Variants in SEC61A1 observed in about 807,000 individuals in gnomAD.
SEC61A1 encodes the protein protein transport protein Sec61 subunit alpha isoform 1.
Under a neutral mutation model 55.2 loss-of-function variants are expected in SEC61A1, and 15 were observed. That is an observed-to-expected ratio of 0.27 (90% confidence interval 0.18 to 0.42). The LOEUF is 0.42. SEC61A1 is among the 10% of genes least tolerant of loss of function. The pLI, the probability that SEC61A1 is intolerant of heterozygous loss-of-function variation, is 1.00. For synonymous variants in SEC61A1, 247 were observed against 234.0 expected (o/e 1.06, Z -0.51); for missense variants, 284 against 602.6 (o/e 0.47, Z 5.53).
chr3:128,062,350 C>T (rs1432555888), intron 7 of SEC61A1, among the ~76,000 whole-genome samples: 1 of 152,228 alleles, frequency 6.6e-6, no homozygotes, highest in Admixed American at 6.5e-5. Context: ...GGAGATGTTG[C>T]AGCTTGGCTT....
Position 128,056,932 on chromosome 3 carries a change from T to A in SEC61A1, c.352+92T>A, listed in dbSNP as rs2107642324. On this transcript the variant is annotated intron_variant, in intron 5 of 11. Transcript: ENST00000243253. ...TATCAGTTTTTCTTTTTTTATTTAT[T>A]TTTTATTTTTTTTTTTTTTTTTGAG... 4.3e-6 allele frequency: 4 copies of A among 927,734 alleles called. No homozygotes were observed. In the South Asian group the frequency reaches 1.6e-4, roughly 38 times the overall value. 57.5% of individuals were successfully genotyped at this position (927,734 alleles called of 1,614,324 possible).
chr3:128,052,689 C>T, intron 1 of SEC61A1, 130 bp downstream of exon 1: 2 of 1,521,946 alleles, frequency 1.3e-6, no homozygotes, highest in South Asian at 1.2e-5. Context: ...GCCCCCGGCC[C>T]TTCTCGAGTA....
intron 2 of SEC61A1, among the ~76,000 whole-genome samples, chr3:128,053,585 A>G (rs1941723875): frequency 6.6e-6 from 1 of 152,256 alleles, no homozygotes; most frequent in Admixed American, 6.5e-5. Context: ...ATTATTTTTC[A>G]AACTGTTGTT....
chr3:128,052,145 G>A (rs1164678326), upstream of SEC61A1, among the ~76,000 whole-genome samples: 1 of 152,100 alleles, frequency 6.6e-6, no homozygotes, highest in Non-Finnish European at 1.5e-5. Context: ...TCTCCGTGAG[G>A]CCGCACAGCC....
Position 128,052,915 on chromosome 3 carries a change from A to G in SEC61A1, c.75+13A>G, listed in dbSNP as rs772842157. ...GCCAGAGAGGAAGGTAAGTACCCCA[A>G]ATCGCCAACAAAGAAGGTTTCAGGA... On this transcript the variant is annotated intron_variant, in intron 2 of 11. Coordinates refer to ENST00000243253, the MANE Select transcript of SEC61A1 (RefSeq NM_013336.4). The G allele has an allele frequency of 3.1e-6, 5 of 1,602,970 alleles. No individual in the cohort carries two copies. Among genetic ancestry groups the G allele is most frequent in the East Asian group, 2.2e-5 (1 of 44,820 alleles).
At chr3:128,068,315 T>C (rs1012215816) in intron 11 of SEC61A1, among the ~76,000 whole-genome samples, 4 of 152,210 alleles carry the variant, frequency 2.6e-5, no homozygotes, top group African/African-American at 9.6e-5. Flanking sequence ...GCCAGGCGGA[T>C]AGGAGACAGT....
chr3:128,051,771 G>A, upstream of SEC61A1: 3 of 1,518,448 alleles, frequency 2.0e-6, no homozygotes, highest in South Asian at 3.7e-5. Flanking sequence ...CTGTGAGGCA[G>A]ACTACTTCCC....
intron 5 of SEC61A1, among the ~76,000 whole-genome samples, chr3:128,058,691 C>G (rs1329583455): frequency 1.3e-5 from 2 of 151,890 alleles, no homozygotes; most frequent in Non-Finnish European, 2.9e-5. Context: ...TGAGAGAGAC[C>G]CCATCTCTAC....
At chr3:128,053,492 A>T (rs1208684807) in intron 2 of SEC61A1, among the ~76,000 whole-genome samples, 1 of 152,232 alleles carries the variant, frequency 6.6e-6, no homozygotes, top group Non-Finnish European at 1.5e-5. Flanking sequence ...GAGTGTTGCC[A>T]GTGTAACTAC....
At chr3:128,057,840 A>C (rs925984278) in intron 5 of SEC61A1, among the ~76,000 whole-genome samples, 8 of 568 alleles carry the variant, frequency 0.014, no homozygotes, top group Non-Finnish European at 0.045. Context: ...AACATGGGGG[A>C]CAGAGCAAGA....
At chr3:128,061,092 CACTTG>C (rs1941844018) in intron 7 of SEC61A1, among the ~76,000 whole-genome samples, 2 of 152,196 alleles carry the variant, frequency 1.3e-5, no homozygotes, top group African/African-American at 4.8e-5. Flanking sequence ...TAAACCAAAG[CACTTG>C]GTCATGCAAG....
chr3:128,066,642 T>A (rs914216037), intron 8 of SEC61A1: 1 of 378,992 alleles, frequency 2.6e-6, no homozygotes, highest in African/African-American at 2.1e-5. Context: ...CAGGCTGGTA[T>A]CGAACTTCTG....
chr3:128,067,691 A>C lies in SEC61A1; in HGVS notation c.1167+79A>C. The C allele has an allele frequency of 8.6e-7, 1 of 1,163,746 alleles. No homozygotes were observed. The highest frequency in any genetic ancestry group is 1.2e-6 in the Non-Finnish European group (1 of 808,506). The allele number at this position is 1,163,746 out of a possible 1,614,324, so 72.1% of individuals were successfully genotyped here. ...GGGTGTGGACTTGTCACCTCATCAT[A>C]AATAATGGTCTGTGACGTGTGCAGA... On this transcript the variant is annotated intron_variant, in intron 10 of 11. Coordinates refer to ENST00000243253, the MANE Select transcript of SEC61A1 (RefSeq NM_013336.4). The surrounding 1 kb of genome is among the most constrained non-coding windows in gnomAD (Gnocchi z 4.1).
intron 2 of SEC61A1, among the ~76,000 whole-genome samples, chr3:128,054,501 A>AT (rs943128023): frequency 2.3e-4 from 35 of 152,234 alleles, no homozygotes; most frequent in Middle Eastern, 3.4e-3. Flanking sequence ...CTGAACACTG[A>AT]TTCACCCACT....
intron 6 of SEC61A1, 41 bp downstream of exon 6, chr3:128,060,252 C>T: frequency 7.3e-7 from 1 of 1,363,898 alleles, no homozygotes. Context: ...TAGCCCCTCA[C>T]ACTTACCTAC....
At chr3:128,066,902 A>G in intron 8 of SEC61A1, 52 bp from the exon 9 acceptor site, 4 of 1,579,968 alleles carry the variant, frequency 2.5e-6, no homozygotes, top group Non-Finnish European at 3.5e-6. Flanking sequence ...GTTTCTGTGC[A>G]GCAGGCTGAA....
chr3:128,064,054 G>C (rs1373172798), intron 7 of SEC61A1, among the ~76,000 whole-genome samples: 2 of 152,162 alleles, frequency 1.3e-5, no homozygotes, highest in Non-Finnish European at 2.9e-5. Context: ...CCACATGGTG[G>C]ACGCAAGCAT....
chr3:128,056,587 G>A, intron 4 of SEC61A1, 122 bp from the exon 5 acceptor site: 1 of 821,518 alleles, frequency 1.2e-6, no homozygotes, highest in East Asian at 2.8e-5. Context: ...ACACAGCTAG[G>A]AAACTGAAAC....
In SEC61A1 at chr3:128,060,527, T is replaced by C. The variant is rs766875239; in HGVS notation, c.482T>C (p.Ile161Thr). Residue 161 changes from isoleucine (I) to threonine (T), a missense_variant, in exon 7 of 12, where the codon ATT (isoleucine) becomes ACT (threonine). Ile to Thr is a moderately conservative substitution (Grantham distance 89). Transcript: ENST00000243253. The part of the protein sequence containing the change: ...ITIQLFVAGL[I>T]VLLLDELLQK... Reference sequence around the variant, plus strand: ...TTACAGCTCTTTGTTGCTGGCTTAATTGTCCTACTTTTGGATGAACTCCTG... The same window carrying C: ...TTACAGCTCTTTGTTGCTGGCTTAACTGTCCTACTTTTGGATGAACTCCTG... 4 of 1,614,118 alleles carry C rather than the reference T, an allele frequency of 2.5e-6. No homozygotes were observed. The highest frequency in any genetic ancestry group is 3.4e-6 in the Non-Finnish European group (4 of 1,180,040).
Sources: allele counts gnomAD v4.1 joint callset (sites outside exome capture counted in the v4.1 genomes callset), GRCh38; gene constraint gnomAD v4.1.1; non-coding constraint Gnocchi (gnomAD v3.1); transcripts MANE v1.5; gene names NCBI Gene and HGNC (gene_info 2026-07-23, HGNC 2026-07-21).